The following FCMR variants were observed in gnomAD, a reference collection of about 807,000 sequenced individuals.
FCMR encodes immunoglobulin mu Fc receptor.
A neutral mutation model predicts 41.6 loss-of-function variants in FCMR; 34 were observed. The ratio of observed to expected loss-of-function variants is 0.82; its 90% confidence interval spans 0.62 to 1.09. The LOEUF (loss-of-function observed/expected upper bound fraction) is 1.09, where lower values mean the gene tolerates loss of function less well. Ranked by LOEUF, FCMR falls within the 50% of genes least tolerant of loss-of-function variation. FCMR has a pLI of 0.00. For missense variants in FCMR, 496 were observed against 512.5 expected (o/e 0.97, Z 0.31); for synonymous variants, 209 against 211.8 (o/e 0.99, Z 0.12).
chr1:206,907,929 G>A, intron 7 of FCMR: 1 of 1,276,682 alleles, frequency 7.8e-7, no homozygotes. Context: ...ACCTCAAGGT[G>A]TTTGACGGCA....
intron 1 of FCMR, among the ~76,000 whole-genome samples, chr1:206,914,336 TCC>T (rs1266940785): frequency 1.3e-5 from 2 of 148,730 alleles, no homozygotes; most frequent in East Asian, 2.0e-4. Flanking sequence ...CTTCCTTCCT[TCC>T]TTCCTTCCTT....
chr1:206,905,369 C>T (rs944422806), intron 7 of FCMR, among the ~76,000 whole-genome samples: 1 of 152,098 alleles, frequency 6.6e-6, no homozygotes, highest in Non-Finnish European at 1.5e-5. Flanking sequence ...GCAGGAAATG[C>T]CTTAAATGGG....
At chr1:206,906,179 A>C in intron 7 of FCMR, 1 of 517,692 alleles carries the variant, frequency 1.9e-6, no homozygotes, top group Admixed American at 2.0e-5. Flanking sequence ...CAAGATGTCA[A>C]CCCGAAGCAA....
At position 206,904,977 on chromosome 1, in the gene FCMR, ACC is replaced by A; in HGVS notation, c.*40_*41del. ...CAGCAGATAGATGAGACTCCTTGGC[ACC>A]ACAGTCCGAGCCTGGGGTTGGGGGA... On this transcript the variant is annotated 3_prime_UTR_variant, in exon 8 of 8. Coordinates refer to ENST00000367091, the MANE Select transcript of FCMR (RefSeq NM_005449.5). 6.2e-7 allele frequency: 1 copy of A among 1,610,664 alleles called. No homozygotes were observed. Among genetic ancestry groups the A allele is most frequent in the East Asian group, 2.2e-5 (1 of 44,850 alleles).
upstream of FCMR, chr1:206,922,004 C>T (rs764181675): frequency 1.5e-6 from 1 of 688,908 alleles, no homozygotes. Flanking sequence ...GAAATGACAA[C>T]CTCCCTTGTT....
chr1:206,913,976 C>T lies in FCMR; in HGVS notation c.156G>A (p.Met52Ile). ...MHVRIYLCRE[M>I]AGSGTCGTVV... ...CGGTACCACATGTTCCAGATCCAGC[C>T]ATCTCCCGGCACAGATATATCCTCA... Residue 52 changes from methionine (M) to isoleucine (I), a missense_variant, in exon 2 of 8, where the codon ATG becomes ATA. Coordinates refer to ENST00000367091, the MANE Select transcript of FCMR (RefSeq NM_005449.5). 6.2e-7 allele frequency: 1 copy of T among 1,614,212 alleles called. No individual in the cohort carries two copies. Among genetic ancestry groups the T allele is most frequent in the Non-Finnish European group, 8.5e-7 (1 of 1,180,040 alleles).
upstream of FCMR, among the ~76,000 whole-genome samples, chr1:206,922,656 C>A (rs746540727): frequency 2.6e-5 from 4 of 152,224 alleles, no homozygotes; most frequent in Non-Finnish European, 5.9e-5. Flanking sequence ...CCAGTGACCA[C>A]CAAGGCAATG....
chr1:206,908,115 C>G, intron 7 of FCMR: 1 of 1,218,142 alleles, frequency 8.2e-7, no homozygotes, highest in Non-Finnish European at 1.2e-6. Context: ...AGGCCAAGTT[C>G]CACTACAGGA....
At chr1:206,918,791 C>G (rs1243090295) in intron 1 of FCMR, among the ~76,000 whole-genome samples, 2 of 140,166 alleles carry the variant, frequency 1.4e-5, no homozygotes, top group East Asian at 2.1e-4. Flanking sequence ...CATGACACTG[C>G]CTTGCTTTAT....
intron 1 of FCMR, chr1:206,921,429 C>T (rs777790688): frequency 1.6e-5 from 7 of 433,068 alleles, no homozygotes; most frequent in South Asian, 1.2e-4. Context: ...AGCAAGACTC[C>T]ATCTCTACAA....
chr1:206,912,680 G>C (rs1482866681), intron 3 of FCMR, among the ~76,000 whole-genome samples: 15 of 152,192 alleles, frequency 9.9e-5, no homozygotes, highest in Admixed American at 9.8e-4. Context: ...CATTGCTTGT[G>C]GTGCCACCTG....
Position 206,906,148 on chromosome 1 carries a change from G to T in FCMR, c.1045-1001C>A, listed in dbSNP as rs995776900. ...AGATGATATAAGACCAGTCAAGAAA[G>T]ACCTGGATCCCAGAACAGCTCAAGA... On this transcript the variant is annotated intron_variant, in intron 7 of 7. Coordinates refer to ENST00000367091, the MANE Select transcript of FCMR (RefSeq NM_005449.5). 4 of 515,126 alleles carry T rather than the reference G, an allele frequency of 7.8e-6. No individual in the cohort carries two copies. The East Asian group carries it at 1.7e-4, about 22-fold the overall frequency. The allele number at this position is 515,126 out of a possible 1,614,324, so 31.9% of individuals were successfully genotyped here.
intron 3 of FCMR, 122 bp from the exon 4 acceptor site, chr1:206,912,074 C>A: frequency 2.7e-6 from 2 of 743,556 alleles, no homozygotes. Context: ...TCTGTTCTTG[C>A]AGTCCTCAGG....
At chr1:206,917,534 G>T (rs572631721) in intron 1 of FCMR, among the ~76,000 whole-genome samples, 124 of 152,316 alleles carry the variant, frequency 8.1e-4, no homozygotes, top group Non-Finnish European at 1.3e-3. Context: ...TGTCTGCAAT[G>T]ATCCTGTTTC....
Position 206,905,040 on chromosome 1 carries a change from G to T in FCMR, c.1152C>A (p.Asp384Glu). The T allele has an allele frequency of 1.2e-6, 2 of 1,614,126 alleles. No individual in the cohort carries two copies. The highest frequency in any genetic ancestry group is 1.7e-6 in the Non-Finnish European group (2 of 1,180,020). ...GTTGTCAGGCAGGAACATTGATGTA[G>T]TCATCTGAATCACTGTCCTCCATCA... The part of the protein sequence containing the change: ...AAMMEDSDSD[D>E]YINVPA Residue 384 changes from aspartate (D) to glutamate (E), a missense_variant, in exon 8 of 8, where the codon GAC (aspartate) becomes GAA (glutamate). Coordinates refer to ENST00000367091, the MANE Select transcript of FCMR (RefSeq NM_005449.5).
chr1:206,919,175 A>T lies in FCMR; in HGVS notation c.37+2643T>A, dbSNP rs558923801. Among the ~76,000 whole-genome samples, 3 of 152,188 alleles carry T rather than the reference A, an allele frequency of 2.0e-5. No individual in the cohort carries two copies. The East Asian group carries it at 5.8e-4, about 29-fold the overall frequency. ...CTTCGTCCACCCCCACCTTCTTCCCAAATAGCCGCCCATGGCCACCTTTTA... is the reference window on the plus strand; with the variant it reads ...CTTCGTCCACCCCCACCTTCTTCCCTAATAGCCGCCCATGGCCACCTTTTA... On this transcript the variant is annotated intron_variant, in intron 1 of 7. Transcript: ENST00000367091.
At position 206,909,347 on chromosome 1, in the gene FCMR, C is replaced by G. The variant is rs1455281162; in HGVS notation, c.1044+115G>C. On this transcript the variant is annotated intron_variant, in intron 7 of 7. Transcript: ENST00000367091. This position sits in a 1 kb window ranked among gnomAD's most constrained non-coding sequence, Gnocchi z 5.0. ...TCAGGGCCCAGGAGCTGCTGGGAAA[C>G]CCGCTCTCCGGATCGCGGCGGCGGC... The G allele has an allele frequency of 5.8e-6, 3 of 520,868 alleles. No individual in the cohort carries two copies. Among genetic ancestry groups the G allele is most frequent in the African/African-American group, 3.9e-5 (2 of 50,860 alleles). 32.3% of individuals were successfully genotyped at this position (520,868 alleles called of 1,614,324 possible).
At chr1:206,912,003 C>T in intron 3 of FCMR, 51 bp from the exon 4 acceptor site, 2 of 1,410,158 alleles carry the variant, frequency 1.4e-6, no homozygotes, top group Non-Finnish European at 2.0e-6. Context: ...ACTCTATTCT[C>T]CAACAGGATT....
rs1558007346 is a variant in FCMR, at chr1:206,921,637, A to AAAT, written c.37+180_37+181insATT. On this transcript the variant is annotated intron_variant, in intron 1 of 7. Transcript: ENST00000367091. Reference sequence around the variant, plus strand: ...TGTCTGGAGTGGAGAAAGGAGCATTACCATGGAGTGAGGAAGGCATCCAAC... The same window carrying AAAT: ...TGTCTGGAGTGGAGAAAGGAGCATTAAATCCATGGAGTGAGGAAGGCATCCAAC... 3.3e-5 allele frequency among the ~76,000 whole-genome samples: 5 copies of AAAT among 152,200 alleles called. No homozygotes were observed. The South Asian group carries it at 1.0e-3, about 32-fold the overall frequency.
Sources: gnomAD v4.1 joint callset for allele counts (sites outside exome capture counted in the v4.1 genomes callset) on GRCh38, gnomAD v4.1.1 for gene constraint, Gnocchi (gnomAD v3.1) non-coding constraint, MANE v1.5 for transcripts, NCBI Gene and HGNC (gene_info 2026-07-23, HGNC 2026-07-21) for gene names.